Variants in VAMP4 observed in about 807,000 individuals in gnomAD.
The protein encoded by VAMP4 is vesicle-associated membrane protein 4.
Under a neutral mutation model 23.5 loss-of-function variants are expected in VAMP4, and 19 were observed. That is an observed-to-expected ratio of 0.81 (90% CI 0.56 to 1.19). The LOEUF is 1.19. VAMP4 is among the 50% of genes most tolerant of loss of function. The probability of loss-of-function intolerance (pLI) is 0.00; values close to 1 mark genes in which losing one functional copy is unlikely to be tolerated. For missense variants in VAMP4, 145 were observed against 168.6 expected (o/e 0.86, Z 0.78); for synonymous variants, 31 against 51.0 (o/e 0.61, Z 1.67).
At chr1:171,722,221 G>A (rs959388395) in intron 3 of VAMP4, among the ~76,000 whole-genome samples, 1 of 152,062 alleles carries the variant, frequency 6.6e-6, no homozygotes, top group African/African-American at 2.4e-5. Flanking sequence ...GCTGAAACTG[G>A]ATCCCTTCCT....
chr1:171,728,405 C>T, intron 3 of VAMP4, 119 bp downstream of exon 3: 1 of 740,796 alleles, frequency 1.3e-6, no homozygotes, highest in Non-Finnish European at 2.1e-6. Flanking sequence ...TCTTGGAAGG[C>T]ATCTCTCACG....
chr1:171,738,445 T>C lies in VAMP4; in HGVS notation c.-31A>G, dbSNP rs368137269. The C allele has an allele frequency of 6.2e-7, 1 of 1,606,372 alleles. No individual in the cohort carries two copies. Among genetic ancestry groups the C allele is most frequent in the South Asian group, 1.1e-5 (1 of 90,766 alleles). Reference sequence around the variant, plus strand: ...TTACTTGCAAAGTATCTTTTGCTTCTCAACAGGATAGTCACCACCTTAAAG... The same window carrying C: ...TTACTTGCAAAGTATCTTTTGCTTCCCAACAGGATAGTCACCACCTTAAAG... On this transcript the variant is annotated 5_prime_UTR_variant, in exon 2 of 8. Coordinates refer to ENST00000236192, the MANE Select transcript of VAMP4 (RefSeq NM_003762.5).
intron 2 of VAMP4, among the ~76,000 whole-genome samples, chr1:171,732,655 GAA>G (rs941567773): frequency 1.3e-5 from 2 of 152,152 alleles, no homozygotes; most frequent in African/African-American, 4.8e-5. Context: ...GTCAAAATCT[GAA>G]GAGTATGGCC....
intron 4 of VAMP4, among the ~76,000 whole-genome samples, chr1:171,717,151 A>G (rs1434328728): frequency 1.3e-5 from 2 of 152,184 alleles, no homozygotes; most frequent in African/African-American, 4.8e-5. Context: ...ATCCCTTACT[A>G]GGTTCACTCT....
chr1:171,738,064 G>A (rs980583450), intron 2 of VAMP4, among the ~76,000 whole-genome samples: 3 of 152,112 alleles, frequency 2.0e-5, no homozygotes, highest in Admixed American at 6.5e-5. Flanking sequence ...CATCTCCCAG[G>A]CTCAGGTGAT....
rs1293454137 is a variant in VAMP4 at position 171,702,273 on chromosome 1, G to A, written c.*2233C>T. On this transcript the variant is annotated 3_prime_UTR_variant, in exon 8 of 8. Transcript: ENST00000236192. ...TAATCAAGACCAAGAAAGATGAAAT[G>A]ATGAATTACAAACCAAGCCATCACT... 3 of 151,996 alleles carry A rather than the reference G, an allele frequency of 2.0e-5. No homozygotes were observed. Among genetic ancestry groups the A allele is most frequent in the African/African-American group, 7.2e-5 (3 of 41,426 alleles). The allele number at this position is 151,996 out of a possible 1,614,324, so 9.4% of individuals were successfully genotyped here.
At chr1:171,717,640 G>T (rs1237937085) in intron 4 of VAMP4, among the ~76,000 whole-genome samples, 9 of 151,654 alleles carry the variant, frequency 5.9e-5, no homozygotes. Flanking sequence ...AGAGAAGGGG[G>T]TTTCACTTTG....
chr1:171,730,665 GT>G (rs1256141884), intron 2 of VAMP4, among the ~76,000 whole-genome samples: 4 of 149,120 alleles, frequency 2.7e-5, no homozygotes, highest in African/African-American at 4.9e-5. Flanking sequence ...AAAATATAAA[GT>G]TAGTAACAAA....
At chr1:171,717,022 G>A (rs1183267596) in intron 4 of VAMP4, among the ~76,000 whole-genome samples, 4 of 152,154 alleles carry the variant, frequency 2.6e-5, no homozygotes, top group Non-Finnish European at 1.5e-5. Context: ...ACAAATTCAT[G>A]TGTGTATGTT....
chr1:171,728,595 A>G, intron 2 of VAMP4, 25 bp from the exon 3 acceptor site: 4 of 1,556,238 alleles, frequency 2.6e-6, no homozygotes, highest in Non-Finnish European at 3.5e-6. Context: ...AAAAGACTTG[A>G]GTTTTCAGAT....
intron 3 of VAMP4, 137 bp from the exon 4 acceptor site, chr1:171,719,358 C>A (rs1655118340): frequency 1.6e-6 from 1 of 624,856 alleles, no homozygotes; most frequent in Non-Finnish European, 2.6e-6. Flanking sequence ...CATAAGGGAC[C>A]ACATTTTACT....
chr1:171,718,728 T>G (rs555151711), intron 4 of VAMP4, among the ~76,000 whole-genome samples: 13 of 152,288 alleles, frequency 8.5e-5, no homozygotes, highest in Admixed American at 5.9e-4. Context: ...GCTACAGATT[T>G]AAAACCAAAA....
intron 2 of VAMP4, among the ~76,000 whole-genome samples, chr1:171,734,113 C>G (rs1218187592): frequency 6.6e-6 from 1 of 151,696 alleles, no homozygotes; most frequent in Non-Finnish European, 1.5e-5. Flanking sequence ...ACTAAAAATA[C>G]AAAAATTAGC....
At chr1:171,732,988 A>T (rs111870649) in intron 2 of VAMP4, among the ~76,000 whole-genome samples, 34 of 152,286 alleles carry the variant, frequency 2.2e-4, no homozygotes, top group African/African-American at 6.7e-4. Context: ...ACATTATAGA[A>T]AAACAAAGAA....
intron 6 of VAMP4, among the ~76,000 whole-genome samples, chr1:171,708,179 ATTCCAGCTAC>A (rs1369284413): frequency 6.6e-6 from 1 of 151,708 alleles, no homozygotes; most frequent in African/African-American, 2.4e-5. Flanking sequence ...CATGCCTGTA[ATTCCAGCTAC>A]TCGGGAGACT....
intron 3 of VAMP4, among the ~76,000 whole-genome samples, chr1:171,722,393 A>G (rs1366200984): frequency 6.6e-6 from 1 of 152,222 alleles, no homozygotes; most frequent in Admixed American, 6.5e-5. Flanking sequence ...ACAAAAGCCA[A>G]AATTGACAAA....
chr1:171,725,411 G>A (rs1655331288), intron 3 of VAMP4, among the ~76,000 whole-genome samples: 2 of 152,094 alleles, frequency 1.3e-5, no homozygotes, highest in African/African-American at 4.8e-5. Context: ...GACCAGCCTG[G>A]CCAACATAAT....
At chr1:171,708,934 C>T (rs1572239224) in intron 6 of VAMP4, among the ~76,000 whole-genome samples, 1 of 133,242 alleles carries the variant, frequency 7.5e-6, no homozygotes, top group Non-Finnish European at 1.6e-5. Flanking sequence ...AAATGAGAGA[C>T]TAAAAACAGT....
chr1:171,701,228 C>A lies in VAMP4; in HGVS notation c.*3278G>T, dbSNP rs1572233985. On this transcript the variant is annotated 3_prime_UTR_variant, in exon 8 of 8. Coordinates refer to ENST00000236192, the MANE Select transcript of VAMP4 (RefSeq NM_003762.5). ...CTCTCAACTCACAGAAAAATGGAGT[C>A]CAATCACATTTCCATGTGAAAACAC... The A allele has an allele frequency of 1.3e-5, 2 of 152,282 alleles. No homozygotes were observed. Among genetic ancestry groups the A allele is most frequent in the East Asian group, 3.9e-4 (2 of 5,186 alleles). The allele number at this position is 152,282 out of a possible 1,614,324, so 9.4% of individuals were successfully genotyped here. A position where few individuals can be genotyped will look rare whatever the true frequency, so the allele number is the denominator to read the frequency against.
Sources: gnomAD v4.1 joint callset for allele counts (sites outside exome capture counted in the v4.1 genomes callset) on GRCh38, gnomAD v4.1.1 for gene constraint, MANE v1.5 for transcripts, NCBI Gene and HGNC (gene_info 2026-07-23, HGNC 2026-07-21) for gene names.